The following CFAP299 variants were observed in gnomAD, a reference collection of about 807,000 sequenced individuals.
CFAP299 encodes the protein cilia and flagella associated protein 299.
Under a neutral mutation model 27.0 loss-of-function variants are expected in CFAP299, and 21 were observed. That is an observed-to-expected ratio of 0.78 (90% CI 0.55 to 1.12). CFAP299 has a LOEUF of 1.12. Ranked by LOEUF, CFAP299 falls within the 50% of genes most tolerant of loss-of-function variation. The pLI, the probability that CFAP299 is intolerant of heterozygous loss-of-function variation, is 0.00. For missense variants in CFAP299, 310 were observed against 276.6 expected (o/e 1.12, Z -0.86); for synonymous variants, 104 against 98.1 (o/e 1.06, Z -0.36).
chr4:80,713,237 A>G (rs754308904), intron 3 of CFAP299, among the ~76,000 whole-genome samples: 1 of 152,100 alleles, frequency 6.6e-6, no homozygotes, highest in Non-Finnish European at 1.5e-5. Context: ...AAAAGAGAGG[A>G]AGCTGTAGAG....
At chr4:80,688,808 G>T (rs1720426102) in intron 3 of CFAP299, among the ~76,000 whole-genome samples, 2 of 151,954 alleles carry the variant, frequency 1.3e-5, no homozygotes, top group African/African-American at 4.8e-5. Context: ...AAATTTAGAA[G>T]AATGTATAAC....
At chr4:80,407,593 G>C (rs943518208) in intron 2 of CFAP299, among the ~76,000 whole-genome samples, 1 of 152,156 alleles carries the variant, frequency 6.6e-6, no homozygotes, top group Non-Finnish European at 1.5e-5. Context: ...GTACGAGTTT[G>C]TTCACCAAAG....
chr4:80,626,399 C>T (rs1277294411), intron 3 of CFAP299, among the ~76,000 whole-genome samples: 1 of 151,754 alleles, frequency 6.6e-6, no homozygotes, highest in Non-Finnish European at 1.5e-5. Context: ...AAGAAGGAAG[C>T]ATGTAGCTGT....
At chr4:80,608,807 G>A (rs1420588533) in intron 3 of CFAP299, among the ~76,000 whole-genome samples, 3 of 151,636 alleles carry the variant, frequency 2.0e-5, no homozygotes, top group African/African-American at 7.3e-5. Flanking sequence ...TCATGTTAAG[G>A]GTCAGAAATG....
intron 3 of CFAP299, among the ~76,000 whole-genome samples, chr4:80,658,187 T>A (rs1740662377): frequency 6.6e-6 from 1 of 152,170 alleles, no homozygotes; most frequent in Admixed American, 6.5e-5. Context: ...ACAGGGACAA[T>A]TTGACTTCTT....
chr4:80,866,781 G>T (rs965913551), intron 3 of CFAP299, among the ~76,000 whole-genome samples: 4 of 152,132 alleles, frequency 2.6e-5, no homozygotes, highest in Non-Finnish European at 5.9e-5. Flanking sequence ...AGCTGGAGAA[G>T]TGATATTTGA....
At chr4:80,726,287 A>C (rs936454547) in intron 3 of CFAP299, among the ~76,000 whole-genome samples, 3 of 152,116 alleles carry the variant, frequency 2.0e-5, no homozygotes, top group African/African-American at 7.2e-5. Context: ...ATAACATTAC[A>C]ATTCATATAT....
rs555787260 is a variant in CFAP299, at chr4:80,782,672, A to G, written c.334-87321A>G. Reference sequence around the variant, plus strand: ...TGAATATATAATATATTCATATATAATATACATATATGAATATATAATATA... The same window carrying G: ...TGAATATATAATATATTCATATATAGTATACATATATGAATATATAATATA... On this transcript the variant is annotated intron_variant, in intron 3 of 5. Transcript: ENST00000358105. Among the ~76,000 whole-genome samples the G allele has an allele frequency of 4.8e-3, 589 of 121,840 alleles. 5 individuals are homozygous for G. Among genetic ancestry groups the G allele is most frequent in the African/African-American group, 6.9e-3 (207 of 29,968 alleles). 79.9% of individuals were successfully genotyped at this position (121,840 alleles called of 152,430 possible).
intron 2 of CFAP299, among the ~76,000 whole-genome samples, chr4:80,526,892 G>A (rs141913814): frequency 3.9e-5 from 6 of 152,212 alleles, no homozygotes; most frequent in African/African-American, 1.4e-4. Context: ...ATTTTAGGGT[G>A]TTACAACAAA....
intron 3 of CFAP299, among the ~76,000 whole-genome samples, chr4:80,612,313 T>C (rs1370180750): frequency 1.3e-5 from 2 of 152,040 alleles, no homozygotes; most frequent in Admixed American, 6.6e-5. Flanking sequence ...GAGGGATAGA[T>C]TGCCTCAATT....
chr4:80,459,024 C>A (rs377354523), intron 2 of CFAP299, among the ~76,000 whole-genome samples: 1 of 151,764 alleles, frequency 6.6e-6, no homozygotes, highest in Non-Finnish European at 1.5e-5. Flanking sequence ...TCTATCATTC[C>A]GGCTGGAGTG....
chr4:80,927,461 C>T (rs1455453782), intron 4 of CFAP299, among the ~76,000 whole-genome samples: 2 of 152,078 alleles, frequency 1.3e-5, no homozygotes, highest in African/African-American at 2.4e-5. Flanking sequence ...CAAATTACTA[C>T]AAATTTAGTG....
intron 2 of CFAP299, among the ~76,000 whole-genome samples, chr4:80,475,904 A>G (rs1390727863): frequency 6.6e-6 from 1 of 152,204 alleles, no homozygotes; most frequent in Non-Finnish European, 1.5e-5. Context: ...AAAAGATTCA[A>G]TGAGGCTGAG....
chr4:80,713,638 T>C (rs1722302240), intron 3 of CFAP299, among the ~76,000 whole-genome samples: 1 of 152,174 alleles, frequency 6.6e-6, no homozygotes, highest in African/African-American at 2.4e-5. Context: ...ACATTGTAAG[T>C]GAGGTGCTTT....
intron 2 of CFAP299, among the ~76,000 whole-genome samples, chr4:80,429,698 T>C (rs571299246): frequency 5.3e-5 from 8 of 152,328 alleles, no homozygotes; most frequent in Admixed American, 4.6e-4. Flanking sequence ...ATAATAACTA[T>C]GTAATAGTTA....
At chr4:80,851,896 CGA>C (rs1731546489) in intron 3 of CFAP299, among the ~76,000 whole-genome samples, 2 of 151,822 alleles carry the variant, frequency 1.3e-5, no homozygotes, top group African/African-American at 4.8e-5. Flanking sequence ...AAAACCCTGG[CGA>C]TATGATTTGT....
At chr4:80,845,129 C>A (rs909050386) in intron 3 of CFAP299, among the ~76,000 whole-genome samples, 2 of 152,134 alleles carry the variant, frequency 1.3e-5, no homozygotes, top group Non-Finnish European at 2.9e-5. Flanking sequence ...TGTTTTGGTA[C>A]CAGTACCATG....
intron 2 of CFAP299, among the ~76,000 whole-genome samples, chr4:80,572,886 A>T (rs1735664489): frequency 6.6e-6 from 1 of 152,082 alleles, no homozygotes; most frequent in Non-Finnish European, 1.5e-5. Context: ...GTTGAAGGAC[A>T]CTTAAGTTGC....
intron 3 of CFAP299, among the ~76,000 whole-genome samples, chr4:80,845,675 A>G (rs934718677): frequency 1.1e-4 from 17 of 152,144 alleles, no homozygotes; most frequent in African/African-American, 3.6e-4. Context: ...GGAAGACCCT[A>G]TTCAACTACC....
Sources: gnomAD v4.1 joint callset for allele counts (sites outside exome capture counted in the v4.1 genomes callset) on GRCh38, gnomAD v4.1.1 for gene constraint, MANE v1.5 for transcripts, NCBI Gene and HGNC (gene_info 2026-07-23, HGNC 2026-07-21) for gene names.